The following CUL5 variants were observed in gnomAD, a reference collection of about 807,000 sequenced individuals.
The protein encoded by CUL5 is cullin 5, also known as cullin-5.
CUL5 carries 26 observed loss-of-function variants against 108.8 expected under a neutral mutation model. That is an observed-to-expected ratio of 0.24 (90% CI 0.18 to 0.33). CUL5 has a LOEUF of 0.33. Among genes scored for constraint, CUL5 ranks in the 10% least tolerant of loss-of-function variants. The pLI is 1.00. For synonymous variants in CUL5, 334 were observed against 298.0 expected (o/e 1.12, Z -1.25); for missense variants, 524 against 909.2 (o/e 0.58, Z 5.45).
In CUL5 at chr11:108,104,822, A is replaced by G. The variant is rs1014505753; in HGVS notation, c.*438A>G. 6.5e-6 allele frequency: 1 copy of G among 152,886 alleles called. No homozygotes were observed. The highest frequency in any genetic ancestry group is 1.5e-5 in the Non-Finnish European group (1 of 68,242). 9.5% of individuals were successfully genotyped at this position (152,886 alleles called of 1,614,324 possible). On this transcript the variant is annotated 3_prime_UTR_variant, in exon 19 of 19. Coordinates refer to ENST00000393094, the MANE Select transcript of CUL5 (RefSeq NM_003478.6). ...TCTTTTGTTTTTAAAAAATGCAATT[A>G]AAACTAGAAATAGCACTCTTGGTTT...
chr11:108,029,795 TAAC>T lies in CUL5; in HGVS notation c.25-4004_25-4002del, dbSNP rs1862533498. Among the ~76,000 whole-genome samples the T allele has an allele frequency of 2.0e-5, 3 of 152,236 alleles. No individual in the cohort carries two copies. The South Asian group carries it at 6.2e-4, about 32-fold the overall frequency. Reference sequence around the variant, plus strand: ...GAGCAAAAATATGTTTCCTGGTACTTAACAATGTCTATTAGGAGATTTCAGAGC... The same window carrying T: ...GAGCAAAAATATGTTTCCTGGTACTTAATGTCTATTAGGAGATTTCAGAGC... On this transcript the variant is annotated intron_variant, in intron 1 of 18. Transcript: ENST00000393094.
intron 7 of CUL5, among the ~76,000 whole-genome samples, chr11:108,063,071 C>T (rs1449270118): frequency 6.6e-6 from 1 of 152,168 alleles, no homozygotes; most frequent in South Asian, 2.1e-4. Context: ...TCTCGAACTC[C>T]TGACCTCAGG....
intron 8 of CUL5, 30 bp downstream of exon 8, chr11:108,070,219 A>C: frequency 2.0e-6 from 3 of 1,492,676 alleles, no homozygotes; most frequent in Non-Finnish European, 2.8e-6. Context: ...AAGTTATCAT[A>C]ATCTTCTAAG....
At chr11:108,045,722 G>A (rs770026212) in intron 2 of CUL5, among the ~76,000 whole-genome samples, 16 of 152,228 alleles carry the variant, frequency 1.1e-4, no homozygotes, top group South Asian at 2.1e-4. Flanking sequence ...AAAATTAGGC[G>A]TGGTGGCATG....
intron 3 of CUL5, among the ~76,000 whole-genome samples, chr11:108,049,413 C>T (rs1863154475): frequency 6.6e-6 from 1 of 151,982 alleles, no homozygotes. Context: ...GCAATCATGG[C>T]TCACTGTAGC....
chr11:108,052,724 C>T lies in CUL5; in HGVS notation c.476C>T (p.Ala159Val). The change falls in exon 5 of 19, where the codon GCA becomes GTA. Residue 159 changes from alanine (A) to valine (V), a missense_variant. Around this residue, in one of 8 missense-constraint regions of CUL5, gnomAD observed 170 missense variants for 305.1 expected, o/e 0.56. Coordinates refer to ENST00000393094, the MANE Select transcript of CUL5 (RefSeq NM_003478.6). ...SNIKNRLQDS[A>V]MKLVHAERLG... Reference sequence around the variant, plus strand: ...ATAAAAAACAGACTCCAAGATAGTGCAATGAAGCTGGTACATGCTGAGAGA... The same window carrying T: ...ATAAAAAACAGACTCCAAGATAGTGTAATGAAGCTGGTACATGCTGAGAGA... 1.2e-6 allele frequency: 2 copies of T among 1,613,196 alleles called. No individual in the cohort carries two copies. Among genetic ancestry groups the T allele is most frequent in the South Asian group, 1.1e-5 (1 of 91,056 alleles).
chr11:108,077,082 C>G (rs1030932481), intron 10 of CUL5, among the ~76,000 whole-genome samples: 1 of 152,132 alleles, frequency 6.6e-6, no homozygotes. Context: ...GACACAGGCT[C>G]TAATCACCAA....
chr11:108,055,205 A>C (rs1289230194), intron 7 of CUL5, among the ~76,000 whole-genome samples: 1 of 152,124 alleles, frequency 6.6e-6, no homozygotes, highest in East Asian at 1.9e-4. Flanking sequence ...AATATAATTA[A>C]TTTTTGGTAA....
At position 108,097,637 on chromosome 11, in the gene CUL5, C is replaced by G; in HGVS notation, c.1907C>G (p.Ser636Cys). Residue 636 changes from serine (S) to cysteine (C), a missense_variant and splice_region_variant, in exon 17 of 19, where the codon TCT becomes TGT. Physicochemically the swap from Ser to Cys is moderately radical, Grantham distance 112. This residue lies in a region of CUL5 where 64 missense variants were observed against 152.0 expected (regional missense o/e 0.42). Transcript: ENST00000393094. Reference sequence around the variant, plus strand: ...TTGTTTTCTCCTTATTCTTCATAGTCTTTAGTAGCTTTCCCAAAACTCAAA... The same window carrying G: ...TTGTTTTCTCCTTATTCTTCATAGTGTTTAGTAGCTTTCCCAAAACTCAAA... ...PDAELRRTLWSLVAFPKLKRQ... is the reference protein window; with the variant it reads ...PDAELRRTLWCLVAFPKLKRQ... The G allele has an allele frequency of 6.3e-7, 1 of 1,580,418 alleles. No individual in the cohort carries two copies. The highest frequency in any genetic ancestry group is 8.7e-7 in the Non-Finnish European group (1 of 1,149,806).
chr11:108,047,693 T>G (rs931137006), intron 3 of CUL5, among the ~76,000 whole-genome samples: 1 of 152,346 alleles, frequency 6.6e-6, no homozygotes, highest in South Asian at 2.1e-4. Flanking sequence ...AAAATCTGTT[T>G]TCAAGCACTT....
At chr11:108,093,320 T>A (rs1448908401) in intron 13 of CUL5, among the ~76,000 whole-genome samples, 3 of 152,242 alleles carry the variant, frequency 2.0e-5, no homozygotes, top group East Asian at 3.8e-4. Flanking sequence ...CATGAAATAC[T>A]GAGAATTCCT....
chr11:108,102,382 A>C (rs1864694152), intron 18 of CUL5, among the ~76,000 whole-genome samples: 1 of 152,092 alleles, frequency 6.6e-6, no homozygotes, highest in South Asian at 2.1e-4. Flanking sequence ...GCTGGAGTGC[A>C]GTGGTACAAT....
In CUL5 at chr11:108,070,138, G is replaced by C; in HGVS notation, c.823G>C (p.Glu275Gln). The C allele has an allele frequency of 6.2e-7, 1 of 1,612,126 alleles. No individual in the cohort carries two copies. Among genetic ancestry groups the C allele is most frequent in the Non-Finnish European group, 8.5e-7 (1 of 1,178,800 alleles). Residue 275 changes from glutamate (E) to glutamine (Q), a missense_variant, in exon 8 of 19, where the codon GAG (glutamate) becomes CAG (glutamine). Glu to Gln is a conservative substitution (Grantham distance 29, BLOSUM62 2). Coordinates refer to ENST00000393094, the MANE Select transcript of CUL5 (RefSeq NM_003478.6). ...AAATGCCCTGGTGACATCATTTAAA[G>C]AGACTATCTTAGCTGAGTGCCAAGG... is the stretch of plus-strand genomic sequence containing the variant. ...CVNALVTSFK[E>Q]TILAECQGMI...
intron 2 of CUL5, among the ~76,000 whole-genome samples, chr11:108,045,262 G>A (rs1023470893): frequency 3.9e-5 from 6 of 152,106 alleles, no homozygotes; most frequent in Admixed American, 1.3e-4. Flanking sequence ...GTAATATATG[G>A]GGAAGCTAGG....
chr11:108,101,305 T>C (rs1864658298), intron 18 of CUL5, among the ~76,000 whole-genome samples: 1 of 152,240 alleles, frequency 6.6e-6, no homozygotes, highest in Admixed American at 6.5e-5. Context: ...TCTATGCAGT[T>C]ATGACAGTGT....
rs771482410 is a variant in CUL5 at position 108,033,818 on chromosome 11, A to C, written c.41A>C (p.Gln14Pro). ...SNLLKNKGSL[Q>P]FEDKWDFMRP... Reference sequence around the variant, plus strand: ...TTTTTCAAGAATAAAGGTTCTCTTCAGTTTGAAGACAAATGGGATTTTATG... The same window carrying C: ...TTTTTCAAGAATAAAGGTTCTCTTCCGTTTGAAGACAAATGGGATTTTATG... Residue 14 changes from glutamine to proline, a missense_variant, in exon 2 of 19, where the codon CAG (glutamine) becomes CCG (proline). Transcript: ENST00000393094. 6.2e-7 allele frequency: 1 copy of C among 1,602,066 alleles called. No homozygotes were observed. The highest frequency in any genetic ancestry group is 8.5e-7 in the Non-Finnish European group (1 of 1,173,504).
chr11:108,103,255 T>C (rs1003102005), intron 18 of CUL5, among the ~76,000 whole-genome samples: 1 of 152,150 alleles, frequency 6.6e-6, no homozygotes, highest in Non-Finnish European at 1.5e-5. Context: ...TGAAAAAGAT[T>C]TATTTCTTTA....
chr11:108,076,557 G>A (rs570107400), intron 10 of CUL5, among the ~76,000 whole-genome samples: 17 of 152,096 alleles, frequency 1.1e-4, no homozygotes, highest in African/African-American at 4.1e-4. Context: ...TCCTGTGTCT[G>A]GCTTATTTTT....
chr11:108,071,472 A>G (rs910025666), intron 8 of CUL5, among the ~76,000 whole-genome samples: 1 of 152,170 alleles, frequency 6.6e-6, no homozygotes, highest in African/African-American at 2.4e-5. Flanking sequence ...CTTGTTGCCC[A>G]GGCTGATCTC....
Sources: allele counts gnomAD v4.1 joint callset (sites outside exome capture counted in the v4.1 genomes callset), GRCh38; gene constraint gnomAD v4.1.1; regional missense constraint gnomAD v4.1.1; transcripts MANE v1.5; gene names NCBI Gene and HGNC (gene_info 2026-07-23, HGNC 2026-07-21).